Variants in KPNA3 observed in about 807,000 individuals in gnomAD.
The protein encoded by KPNA3 is karyopherin subunit alpha 3, also known as importin subunit alpha-4.
Under a neutral mutation model 73.8 loss-of-function variants are expected in KPNA3, and 13 were observed. The ratio of observed to expected loss-of-function variants is 0.18; its 90% CI spans 0.11 to 0.28. The LOEUF is 0.28. KPNA3 is among the 10% of genes least tolerant of loss of function. The pLI is 1.00. For missense variants in KPNA3, 360 were observed against 618.1 expected (o/e 0.58, Z 4.43); for synonymous variants, 186 against 206.9 (o/e 0.90, Z 0.87).
chr13:49,725,499 G>T lies in KPNA3; in HGVS notation c.386C>A (p.Pro129His). The T allele has an allele frequency of 1.3e-6, 2 of 1,589,522 alleles. No homozygotes were observed. The highest frequency in any genetic ancestry group is 1.7e-6 in the Non-Finnish European group (2 of 1,163,810). Residue 129 changes from proline (P) to histidine (H), a missense_variant and splice_region_variant, in exon 7 of 17, where the codon CCT becomes CAT. Around this residue, in one of 3 missense-constraint regions of KPNA3, gnomAD observed 287 missense variants for 549.1 expected, o/e 0.52. Coordinates refer to ENST00000261667, the MANE Select transcript of KPNA3 (RefSeq NM_002267.4). Reference protein sequence around the residue: ...LVKCLERDDNPSLQFEAAWAL... With the variant: ...LVKCLERDDNHSLQFEAAWAL... ...CCAAGCAGCTTCAAACTGTAATGAA[G>T]GACTGTAAAAAAACAATAACACATC...
chr13:49,777,811 G>A (rs77361203), intron 1 of KPNA3, among the ~76,000 whole-genome samples: 3,098 of 151,936 alleles, frequency 0.02, 43 homozygotes, highest in South Asian at 0.031. Flanking sequence ...TGCCTGGCCC[G>A]TATTATTTTT....
intron 8 of KPNA3, 43 bp from the exon 9 acceptor site, chr13:49,722,167 G>C: frequency 1.5e-6 from 2 of 1,331,160 alleles, no homozygotes; most frequent in Non-Finnish European, 2.0e-6. Context: ...TTACATTCAG[G>C]ATGAGAAAGT....
At chr13:49,771,327 T>G (rs1954853858) in intron 1 of KPNA3, among the ~76,000 whole-genome samples, 1 of 152,130 alleles carries the variant, frequency 6.6e-6, no homozygotes, top group Non-Finnish European at 1.5e-5. Context: ...TTCAATGAAG[T>G]TGTAGTTTTC....
intron 1 of KPNA3, among the ~76,000 whole-genome samples, chr13:49,778,884 A>T (rs1319558639): frequency 6.6e-6 from 1 of 152,230 alleles, no homozygotes; most frequent in Non-Finnish European, 1.5e-5. Flanking sequence ...CTGGGATTAC[A>T]GGTGTGAGCC....
chr13:49,735,080 C>T (rs1954509873), intron 2 of KPNA3, among the ~76,000 whole-genome samples: 2 of 151,992 alleles, frequency 1.3e-5, no homozygotes, highest in Admixed American at 1.3e-4. Flanking sequence ...TTGAAAACAT[C>T]CTAACATAGA....
intron 10 of KPNA3, among the ~76,000 whole-genome samples, chr13:49,717,492 C>G (rs1221744255): frequency 1.3e-5 from 2 of 149,160 alleles, no homozygotes; most frequent in Non-Finnish European, 3.0e-5. Context: ...CCTTAGCGAA[C>G]GTATTAGGTT....
At chr13:49,758,701 TG>T (rs1954732390) in intron 1 of KPNA3, among the ~76,000 whole-genome samples, 1 of 152,166 alleles carries the variant, frequency 6.6e-6, no homozygotes, top group Admixed American at 6.5e-5. Context: ...TGTGTGTTTA[TG>T]TGTGTATGTA....
chr13:49,724,897 G>A (rs1015344368), intron 7 of KPNA3, among the ~76,000 whole-genome samples: 2 of 152,316 alleles, frequency 1.3e-5, no homozygotes, highest in South Asian at 2.1e-4. Flanking sequence ...TGTGGGTCTG[G>A]TGAGAATAGT....
At chr13:49,788,580 G>T (rs1260140448) in intron 1 of KPNA3, among the ~76,000 whole-genome samples, 1 of 152,076 alleles carries the variant, frequency 6.6e-6, no homozygotes, top group Non-Finnish European at 1.5e-5. Context: ...TTAGCCAGGT[G>T]TGGTGGCATG....
At chr13:49,702,521 A>G (rs766020637) in intron 15 of KPNA3, 41 bp from the exon 16 acceptor site, 2 of 1,044,206 alleles carry the variant, frequency 1.9e-6, no homozygotes, top group Non-Finnish European at 2.9e-6. Flanking sequence ...GTTAATTGAT[A>G]AGGAGATACT....
chr13:49,726,196 T>C (rs1243927590), intron 6 of KPNA3, among the ~76,000 whole-genome samples: 1 of 152,200 alleles, frequency 6.6e-6, no homozygotes, highest in African/African-American at 2.4e-5. Flanking sequence ...TCACACGCTC[T>C]AGGCTGGTCT....
chr13:49,723,135 TA>T (rs1485682941), intron 7 of KPNA3, among the ~76,000 whole-genome samples: 2 of 152,076 alleles, frequency 1.3e-5, no homozygotes, highest in Non-Finnish European at 2.9e-5. Flanking sequence ...ACTTAAAATT[TA>T]AATTAATTCA....
chr13:49,767,863 C>T (rs1954821530), intron 1 of KPNA3, among the ~76,000 whole-genome samples: 1 of 152,132 alleles, frequency 6.6e-6, no homozygotes, highest in African/African-American at 2.4e-5. Flanking sequence ...TAAAGTATAC[C>T]TATATAAAGC....
intron 1 of KPNA3, among the ~76,000 whole-genome samples, chr13:49,748,232 T>C (rs1014749594): frequency 6.6e-6 from 1 of 152,188 alleles, no homozygotes; most frequent in Non-Finnish European, 1.5e-5. Flanking sequence ...TTCATATTTT[T>C]AAAAAGTAAA....
chr13:49,734,048 A>C (rs1954496955), intron 2 of KPNA3, among the ~76,000 whole-genome samples: 2 of 152,248 alleles, frequency 1.3e-5, no homozygotes, highest in African/African-American at 4.8e-5. Context: ...ATGAAGCAAA[A>C]AACTAGATGA....
Position 49,700,609 on chromosome 13 carries a change from C to T in KPNA3, c.*1191G>A, listed in dbSNP as rs1043666418. On this transcript the variant is annotated 3_prime_UTR_variant, in exon 17 of 17. Transcript: ENST00000261667. Reference sequence around the variant, plus strand: ...CTGAATCTTTTAATATGTGAAGATGCTTTTTGAGTAGGATCTGAATTAACT... The same window carrying T: ...CTGAATCTTTTAATATGTGAAGATGTTTTTTGAGTAGGATCTGAATTAACT... 1 of 152,618 alleles carries T rather than the reference C, an allele frequency of 6.6e-6. No individual in the cohort carries two copies. The highest frequency in any genetic ancestry group is 1.5e-5 in the Non-Finnish European group (1 of 68,034). The allele number at this position is 152,618 out of a possible 1,614,324, so 9.5% of individuals were successfully genotyped here. A position where few individuals can be genotyped will look rare whatever the true frequency, so the allele number is the denominator to read the frequency against.
rs1954136685 is a variant in KPNA3 at position 49,700,435 on chromosome 13, A to G, written c.*1365T>C. ...ATTTAGTTTAAAAATTTTTAAATCCATATTCTTTCATTAATAACTGGGTCA... is the reference window on the plus strand; with the variant it reads ...ATTTAGTTTAAAAATTTTTAAATCCGTATTCTTTCATTAATAACTGGGTCA... On this transcript the variant is annotated 3_prime_UTR_variant, in exon 17 of 17. Coordinates refer to ENST00000261667, the MANE Select transcript of KPNA3 (RefSeq NM_002267.4). The G allele has an allele frequency of 6.5e-6, 1 of 152,816 alleles. No individual in the cohort carries two copies. Among genetic ancestry groups the G allele is most frequent in the East Asian group, 1.9e-4 (1 of 5,194 alleles). 9.5% of individuals were successfully genotyped at this position (152,816 alleles called of 1,614,324 possible). A position where few individuals can be genotyped will look rare whatever the true frequency, so the allele number is the denominator to read the frequency against.
chr13:49,723,338 G>A (rs1393645937), intron 7 of KPNA3, among the ~76,000 whole-genome samples: 2 of 152,082 alleles, frequency 1.3e-5, no homozygotes, highest in African/African-American at 2.4e-5. Context: ...CTGGGAGGCC[G>A]AGGCAGATGG....
In KPNA3 at chr13:49,725,515, A is replaced by G. The variant is rs780453993; in HGVS notation, c.384-14T>C. On this transcript the variant is annotated splice_polypyrimidine_tract_variant and intron_variant, in intron 6 of 16. Coordinates refer to ENST00000261667, the MANE Select transcript of KPNA3 (RefSeq NM_002267.4). ...TGTAATGAAGGACTGTAAAAAAACA[A>G]TAACACATCTTTTTAGACACATAAC... The G allele has an allele frequency of 4.6e-6, 7 of 1,528,262 alleles. No homozygotes were observed. Among genetic ancestry groups the G allele is most frequent in the Non-Finnish European group, 5.4e-6 (6 of 1,103,140 alleles). 94.7% of individuals were successfully genotyped at this position (1,528,262 alleles called of 1,614,324 possible).
Sources: gnomAD v4.1 joint callset for allele counts (sites outside exome capture counted in the v4.1 genomes callset) on GRCh38, gnomAD v4.1.1 for gene constraint, gnomAD v4.1.1 regional missense constraint, MANE v1.5 for transcripts, NCBI Gene and HGNC (gene_info 2026-07-23, HGNC 2026-07-21) for gene names.